Variants in SEC22A observed in about 807,000 individuals in gnomAD.
The protein encoded by SEC22A is SEC22 homolog A, vesicle trafficking protein.
A neutral mutation model predicts 35.3 loss-of-function variants in SEC22A; 22 were observed. The observed-to-expected ratio is 0.62, with a 90% CI of 0.45 to 0.89. SEC22A has a LOEUF of 0.89. Among genes scored for constraint, SEC22A ranks in the 40% least tolerant of loss-of-function variants. SEC22A has a pLI of 0.00. For missense variants in SEC22A, 354 were observed against 362.5 expected, an observed-to-expected ratio of 0.98 and a Z score of 0.19; for synonymous variants, 119 against 129.5, an observed-to-expected ratio of 0.92 and a Z score of 0.55.
At chr3:123,251,851 T>A (rs1300282289) in intron 5 of SEC22A, among the ~76,000 whole-genome samples, 4 of 152,192 alleles carry the variant, frequency 2.6e-5, no homozygotes, top group African/African-American at 9.6e-5. Flanking sequence ...TTTCCTTTCC[T>A]TTTCCCACTG....
chr3:123,245,434 C>A (rs923377794), intron 4 of SEC22A, among the ~76,000 whole-genome samples: 1 of 152,134 alleles, frequency 6.6e-6, no homozygotes. Context: ...ATGTCTCATG[C>A]CTGTAATACC....
In SEC22A at chr3:123,213,984, G is replaced by A. The variant is rs570311850; in HGVS notation, c.182+4585G>A. On this transcript the variant is annotated intron_variant, in intron 2 of 6. Transcript: ENST00000492595. ...AGATCACCTGAGGTCAGGAGTTTGA[G>A]ACCATCCTGGACAACATGGTGAAAC... Among the ~76,000 whole-genome samples the A allele has an allele frequency of 1.2e-4, 18 of 151,852 alleles. No homozygotes were observed. The East Asian group carries it at 3.3e-3, about 28-fold the overall frequency.
At position 123,209,249 on chromosome 3, in the gene SEC22A, G is replaced by A. The variant is rs773567242; in HGVS notation, c.32G>A (p.Arg11His). The A allele has an allele frequency of 3.7e-6, 6 of 1,613,856 alleles. No homozygotes were observed. The highest frequency in any genetic ancestry group is 1.1e-5 in the South Asian group (1 of 91,086). ...ATGATTTTATCTGCCTCAGTCATTC[G>A]TGTCAGAGATGGACTGCCACTTTCT... Reference protein sequence around the residue: MSMILSASVIRVRDGLPLSAS... With the variant: MSMILSASVIHVRDGLPLSAS... Residue 11 changes from arginine to histidine, a missense_variant, in exon 2 of 7, where the codon CGT (arginine) becomes CAT (histidine). Transcript: ENST00000492595.
At chr3:123,239,359 G>C (rs533218482) in intron 4 of SEC22A, among the ~76,000 whole-genome samples, 122 of 151,930 alleles carry the variant, frequency 8.0e-4, no homozygotes, top group Non-Finnish European at 1.6e-3. Flanking sequence ...GGTTAGTTAC[G>C]TATATATACA....
rs779433710 is a variant in SEC22A at position 123,203,053 on chromosome 3, C to CTTTTTTTTTTTTTTT, written c.-20+1087_-20+1101dup. Among the ~76,000 whole-genome samples, 12 of 43,840 alleles carry CTTTTTTTTTTTTTTT rather than the reference C, an allele frequency of 2.7e-4. 1 individual carries two copies. Among genetic ancestry groups the CTTTTTTTTTTTTTTT allele is most frequent in the African/African-American group, 4.2e-4 (4 of 9,428 alleles). The allele number at this position is 43,840 out of a possible 152,430, so 28.8% of individuals were successfully genotyped here. The stretch of plus-strand genomic sequence containing the variant: ...GAAAACCATCACATCTGTTTAGTGC[C>CTTTTTTTTTTTTTTT]TTTTTTTTTTTTTTTTTTTTTTTTT... On this transcript the variant is annotated intron_variant, in intron 1 of 6. Coordinates refer to ENST00000492595, the MANE Select transcript of SEC22A (RefSeq NM_012430.5).
At chr3:123,227,635 T>TCAAC (rs1183597750) in intron 4 of SEC22A, among the ~76,000 whole-genome samples, 1 of 152,104 alleles carries the variant, frequency 6.6e-6, no homozygotes, top group Non-Finnish European at 1.5e-5. Context: ...TAAGACAATA[T>TCAAC]CAACTATAGA....
intron 6 of SEC22A, among the ~76,000 whole-genome samples, chr3:123,270,125 T>C (rs1213417112): frequency 1.3e-5 from 2 of 152,190 alleles, no homozygotes; most frequent in Admixed American, 6.5e-5. Context: ...TTGATGATTA[T>C]ACTATGATTA....
chr3:123,219,354 T>G (rs964066833), intron 2 of SEC22A, among the ~76,000 whole-genome samples: 2 of 152,134 alleles, frequency 1.3e-5, no homozygotes, highest in African/African-American at 4.8e-5. Flanking sequence ...GGGAATAAAA[T>G]AGAGATTGAT....
intron 4 of SEC22A, 37 bp from the exon 5 acceptor site, chr3:123,245,862 T>C (rs1045158718): frequency 1.8e-6 from 2 of 1,137,110 alleles, no homozygotes; most frequent in East Asian, 2.3e-5. Context: ...TTGTGAGGTA[T>C]TGGTGTTCAT....
At chr3:123,240,919 A>G (rs1015476787) in intron 4 of SEC22A, among the ~76,000 whole-genome samples, 1 of 151,758 alleles carries the variant, frequency 6.6e-6, no homozygotes, top group Admixed American at 6.6e-5. Flanking sequence ...ATCATTTTCT[A>G]GAAAATTTGT....
intron 2 of SEC22A, among the ~76,000 whole-genome samples, chr3:123,223,332 G>A (rs1381235415): frequency 6.6e-6 from 1 of 152,176 alleles, no homozygotes; most frequent in African/African-American, 2.4e-5. Flanking sequence ...ACCGTATTGT[G>A]TGTCCCTCTG....
chr3:123,219,887 T>C (rs1262867681), intron 2 of SEC22A, among the ~76,000 whole-genome samples: 2 of 152,200 alleles, frequency 1.3e-5, no homozygotes, highest in African/African-American at 4.8e-5. Context: ...AGAATTTTTT[T>C]CATCACAAAC....
intron 6 of SEC22A, among the ~76,000 whole-genome samples, chr3:123,267,669 T>C (rs1313654286): frequency 6.6e-6 from 1 of 152,214 alleles, no homozygotes; most frequent in East Asian, 1.9e-4. Flanking sequence ...CTTTTTTCTT[T>C]CCCAATGTTT....
intron 4 of SEC22A, among the ~76,000 whole-genome samples, chr3:123,227,313 A>G (rs1183744632): frequency 6.6e-6 from 1 of 152,070 alleles, no homozygotes; most frequent in Non-Finnish European, 1.5e-5. Context: ...CCCTTCCTTC[A>G]GCAGAACCAG....
chr3:123,228,893 T>C (rs1213114071), intron 4 of SEC22A, among the ~76,000 whole-genome samples: 1 of 152,048 alleles, frequency 6.6e-6, no homozygotes. Flanking sequence ...GGCGTAACAA[T>C]AGATTTGAAC....
At chr3:123,259,007 T>C (rs149571525) in intron 5 of SEC22A, among the ~76,000 whole-genome samples, 1,570 of 152,310 alleles carry the variant, frequency 0.01, 17 homozygotes, top group Non-Finnish European at 0.016. Context: ...TAGTCTTAAT[T>C]TTTCACGTTG....
At chr3:123,253,904 A>G (rs1266680244) in intron 5 of SEC22A, among the ~76,000 whole-genome samples, 1 of 151,906 alleles carries the variant, frequency 6.6e-6, no homozygotes, top group Non-Finnish European at 1.5e-5. Context: ...ACAGTGCCAT[A>G]AAATAGAAGA....
At chr3:123,224,951 C>G in intron 3 of SEC22A, 152 bp from the exon 4 acceptor site, 1 of 539,184 alleles carries the variant, frequency 1.9e-6, no homozygotes, top group Middle Eastern at 5.0e-4. Flanking sequence ...ATACATTAAT[C>G]ATTAAACACA....
chr3:123,214,644 G>A (rs1936993131), intron 2 of SEC22A, among the ~76,000 whole-genome samples: 2 of 152,128 alleles, frequency 1.3e-5, no homozygotes, highest in African/African-American at 4.8e-5. Flanking sequence ...AAAAAAACAT[G>A]GCTAAAGTAA....
Sources: allele counts gnomAD v4.1 joint callset (sites outside exome capture counted in the v4.1 genomes callset), GRCh38; gene constraint gnomAD v4.1.1; transcripts MANE v1.5; gene names NCBI Gene and HGNC (gene_info 2026-07-23, HGNC 2026-07-21).